Variants in RGS6 observed in about 807,000 individuals in gnomAD.
The protein encoded by RGS6 is regulator of G protein signaling 6, also known as regulator of G-protein signaling 6.
A neutral mutation model predicts 78.5 loss-of-function variants in RGS6; 30 were observed. That is an observed-to-expected ratio of 0.38 (90% CI 0.29 to 0.52). The LOEUF (loss-of-function observed/expected upper bound fraction) is 0.52, where lower values mean the gene tolerates loss of function less well. Ranked by LOEUF, RGS6 falls within the 20% of genes least tolerant of loss-of-function variation. The pLI is 0.85. For synonymous variants in RGS6, 206 were observed against 206.0 expected, an observed-to-expected ratio of 1.00 and a Z score of 0.00; for missense variants, 495 against 609.7, an observed-to-expected ratio of 0.81 and a Z score of 1.98.
the RGS6 span, among the ~76,000 whole-genome samples, chr14:71,914,383 G>A: frequency 6.6e-6 from 1 of 152,152 alleles, no homozygotes; most frequent in Non-Finnish European, 1.5e-5. Flanking sequence ...TAAATTTGGG[G>A]AACCTACACC....
intron 2 of RGS6, among the ~76,000 whole-genome samples, chr14:72,241,810 A>T (rs1378379014): frequency 6.6e-6 from 1 of 152,266 alleles, no homozygotes; most frequent in Admixed American, 6.5e-5. Context: ...TTCTTGATAC[A>T]TACTGAAAAA....
chr14:72,024,985 G>A (rs944969468), intron 2 of RGS6, among the ~76,000 whole-genome samples: 2 of 152,146 alleles, frequency 1.3e-5, no homozygotes, highest in Non-Finnish European at 2.9e-5. Context: ...AGGCTTCTTC[G>A]TGCCCATAAA....
At chr14:72,427,784 T>C (rs1286031955) in intron 3 of RGS6, among the ~76,000 whole-genome samples, 1 of 152,210 alleles carries the variant, frequency 6.6e-6, no homozygotes, top group Non-Finnish European at 1.5e-5. Flanking sequence ...CCCTGTCTTC[T>C]ACCCCAAAGT....
chr14:72,237,176 G>A (rs2051313866), intron 2 of RGS6, among the ~76,000 whole-genome samples: 2 of 152,166 alleles, frequency 1.3e-5, no homozygotes, highest in South Asian at 4.1e-4. Context: ...GCATATGTCA[G>A]TAATCTGTAC....
intron 3 of RGS6, among the ~76,000 whole-genome samples, chr14:72,426,590 G>A (rs1287745714): frequency 6.6e-6 from 1 of 152,182 alleles, no homozygotes; most frequent in Non-Finnish European, 1.5e-5. Context: ...CACAGTAAGT[G>A]GTAAAGTTAG....
chr14:71,971,300 G>A (rs1473997749), intron 2 of RGS6, among the ~76,000 whole-genome samples: 1 of 152,184 alleles, frequency 6.6e-6, no homozygotes, highest in African/African-American at 2.4e-5. Flanking sequence ...TCTGGAAAGA[G>A]ATGGGAGGGA....
the RGS6 span, among the ~76,000 whole-genome samples, chr14:72,576,815 T>C: frequency 1.3e-5 from 2 of 152,190 alleles, no homozygotes; most frequent in African/African-American, 4.8e-5. Context: ...AATTGATGAT[T>C]TTCAGAGGAG....
intron 2 of RGS6, among the ~76,000 whole-genome samples, chr14:72,191,351 G>A (rs1462205260): frequency 6.6e-6 from 1 of 152,138 alleles, no homozygotes; most frequent in African/African-American, 2.4e-5. Flanking sequence ...GCACGGCCAG[G>A]CCTCAGTGCA....
chr14:72,580,132 G>A, the RGS6 span, among the ~76,000 whole-genome samples: 6 of 152,324 alleles, frequency 3.9e-5, no homozygotes, highest in East Asian at 1.2e-3. Context: ...AGTGCTGTAA[G>A]AGTAAGAGGC....
At chr14:72,248,114 C>G (rs958584437) in intron 2 of RGS6, among the ~76,000 whole-genome samples, 2 of 152,196 alleles carry the variant, frequency 1.3e-5, no homozygotes, top group African/African-American at 4.8e-5. Context: ...CAGGGACTCC[C>G]AGGAGTCCTA....
intron 1 of RGS6, among the ~76,000 whole-genome samples, chr14:71,933,494 A>G (rs934091305): frequency 1.2e-4 from 19 of 152,152 alleles, no homozygotes; most frequent in Admixed American, 1.2e-3. Flanking sequence ...AGAGGATGAC[A>G]AATGAACTGG....
chr14:72,016,341 G>C (rs1292912391), intron 2 of RGS6, among the ~76,000 whole-genome samples: 1 of 152,026 alleles, frequency 6.6e-6, no homozygotes, highest in Non-Finnish European at 1.5e-5. Flanking sequence ...ACTGTGTGTG[G>C]CTTCTGTTCT....
chr14:72,618,361 A>G, the RGS6 span, among the ~76,000 whole-genome samples: 1 of 152,242 alleles, frequency 6.6e-6, no homozygotes, highest in African/African-American at 2.4e-5. Context: ...ATTCGGACAC[A>G]TGATTGGGCA....
chr14:72,169,683 C>G (rs1476927394), intron 2 of RGS6, among the ~76,000 whole-genome samples: 1 of 152,150 alleles, frequency 6.6e-6, no homozygotes, highest in Non-Finnish European at 1.5e-5. Flanking sequence ...CCTACATTTC[C>G]CAGCATCCCT....
chr14:72,113,080 ATG>A, intron 2 of RGS6, among the ~76,000 whole-genome samples: 1 of 151,550 alleles, frequency 6.6e-6, no homozygotes, highest in East Asian at 1.9e-4. Flanking sequence ...ACACACACGC[ATG>A]CACGCATGCA....
the RGS6 span, among the ~76,000 whole-genome samples, chr14:71,916,325 T>C: frequency 6.6e-6 from 1 of 152,196 alleles, no homozygotes; most frequent in African/African-American, 2.4e-5. Flanking sequence ...CTCTTTAATG[T>C]TGATTAAGTT....
At chr14:72,403,656 C>G (rs569298715) in intron 3 of RGS6, among the ~76,000 whole-genome samples, 24 of 152,278 alleles carry the variant, frequency 1.6e-4, no homozygotes, top group African/African-American at 5.5e-4. Context: ...GTGTTAATTA[C>G]CGTGATTTAT....
chr14:72,267,411 C>T (rs1445319161), intron 2 of RGS6, among the ~76,000 whole-genome samples: 1 of 152,224 alleles, frequency 6.6e-6, no homozygotes, highest in Non-Finnish European at 1.5e-5. Context: ...TGGCTGCTTT[C>T]ACACTGTGAG....
intron 3 of RGS6, among the ~76,000 whole-genome samples, chr14:72,382,683 C>T (rs2086507739): frequency 6.6e-6 from 1 of 152,124 alleles, no homozygotes; most frequent in Non-Finnish European, 1.5e-5. Context: ...CTGGAATAAT[C>T]CAGGCATGAC....
Sources: allele counts gnomAD v4.1 joint callset (sites outside exome capture counted in the v4.1 genomes callset), GRCh38; gene constraint gnomAD v4.1.1; transcripts MANE v1.5; gene names NCBI Gene and HGNC (gene_info 2026-07-23, HGNC 2026-07-21).